Variants in CTNNA2 observed in about 807,000 individuals in gnomAD.
The protein encoded by CTNNA2 is catenin alpha-2.
A neutral mutation model predicts 101.0 loss-of-function variants in CTNNA2; 42 were observed. That is an observed-to-expected ratio of 0.42 (90% CI 0.32 to 0.54). The LOEUF (loss-of-function observed/expected upper bound fraction) is 0.54. CTNNA2 is among the 20% of genes least tolerant of loss of function. The pLI is 0.14. For missense variants in CTNNA2, 871 were observed against 1,223.1 expected, an observed-to-expected ratio of 0.71 and a Z score of 4.29; for synonymous variants, 450 against 456.4, an observed-to-expected ratio of 0.99 and a Z score of 0.18.
At chr2:79,607,372 A>T (rs1677963345) in intron 1 of CTNNA2, among the ~76,000 whole-genome samples, 1 of 152,162 alleles carries the variant, frequency 6.6e-6, no homozygotes, top group Non-Finnish European at 1.5e-5. Context: ...GGGGACATAG[A>T]AGACTTGAAC....
intron 3 of CTNNA2, among the ~76,000 whole-genome samples, chr2:79,343,601 C>T (rs1351743714): frequency 1.3e-5 from 2 of 152,078 alleles, no homozygotes; most frequent in Non-Finnish European, 2.9e-5. Flanking sequence ...TTCTTCCTGG[C>T]CAAGGTGGCA....
chr2:80,333,238 C>A (rs921670737), intron 7 of CTNNA2, among the ~76,000 whole-genome samples: 3 of 152,154 alleles, frequency 2.0e-5, no homozygotes, highest in African/African-American at 7.2e-5. Context: ...GTCTAACCCT[C>A]CTTCATCTAG....
At chr2:79,458,582 G>A (rs189061461) in intron 4 of CTNNA2, among the ~76,000 whole-genome samples, 3 of 152,202 alleles carry the variant, frequency 2.0e-5, no homozygotes, top group Admixed American at 6.5e-5. Context: ...ACCCTAGCAC[G>A]AGCCCATCAA....
intron 7 of CTNNA2, among the ~76,000 whole-genome samples, chr2:80,053,029 G>A (rs778740957): frequency 6.6e-6 from 1 of 152,090 alleles, no homozygotes; most frequent in Admixed American, 6.6e-5. Context: ...TGATGCATGA[G>A]TAGTATTTTA....
chr2:80,312,363 G>A (rs967731932), intron 7 of CTNNA2, among the ~76,000 whole-genome samples: 1 of 152,214 alleles, frequency 6.6e-6, no homozygotes, highest in Non-Finnish European at 1.5e-5. Context: ...GGGGTGAGTA[G>A]TTGGTGGGGA....
intron 4 of CTNNA2, among the ~76,000 whole-genome samples, chr2:79,451,288 A>G (rs972430507): frequency 6.6e-6 from 1 of 152,154 alleles, no homozygotes; most frequent in Non-Finnish European, 1.5e-5. Flanking sequence ...AAAATCTTAC[A>G]GATCTGCAGA....
intron 3 of CTNNA2, among the ~76,000 whole-genome samples, chr2:79,336,537 T>A (rs1676998394): frequency 6.6e-6 from 1 of 152,186 alleles, no homozygotes; most frequent in Admixed American, 6.5e-5. Flanking sequence ...GCCAGACCAC[T>A]CATATGAGTC....
At chr2:79,901,872 G>A (rs1685089906) in intron 6 of CTNNA2, among the ~76,000 whole-genome samples, 1 of 152,160 alleles carries the variant, frequency 6.6e-6, no homozygotes, top group African/African-American at 2.4e-5. Context: ...GTCTTGTCAG[G>A]TATGCCCATC....
chr2:80,008,966 A>C (rs1228439387), intron 7 of CTNNA2, among the ~76,000 whole-genome samples: 1 of 152,202 alleles, frequency 6.6e-6, no homozygotes, highest in East Asian at 1.9e-4. Context: ...TTTCCGAGAC[A>C]CTGAAATGCC....
chr2:80,157,565 A>G (rs915584093), intron 7 of CTNNA2, among the ~76,000 whole-genome samples: 3 of 152,186 alleles, frequency 2.0e-5, no homozygotes. Flanking sequence ...AAACCGTATC[A>G]AGTGGAACTT....
chr2:79,230,363 C>T (rs2104237247), intron 2 of CTNNA2, among the ~76,000 whole-genome samples: 1 of 152,308 alleles, frequency 6.6e-6, no homozygotes, highest in African/African-American at 2.4e-5. Flanking sequence ...CAAGGTACAG[C>T]TTGGGCCGTG....
At chr2:80,509,541 C>G (rs1435967553) in intron 9 of CTNNA2, among the ~76,000 whole-genome samples, 3 of 152,134 alleles carry the variant, frequency 2.0e-5, no homozygotes, top group Admixed American at 6.5e-5. Flanking sequence ...ACTTGGATGT[C>G]TTCTGTCTAA....
intron 1 of CTNNA2, among the ~76,000 whole-genome samples, chr2:79,632,028 T>G (rs929304651): frequency 2.0e-5 from 3 of 152,218 alleles, no homozygotes; most frequent in African/African-American, 7.2e-5. Context: ...ACTGTGTGTT[T>G]AAGGGTATAT....
intron 8 of CTNNA2, among the ~76,000 whole-genome samples, chr2:80,395,022 G>T (rs1677876151): frequency 6.6e-6 from 1 of 152,010 alleles, no homozygotes; most frequent in Admixed American, 6.6e-5. Context: ...TTCAATCATG[G>T]ACCAATCATG....
intron 9 of CTNNA2, among the ~76,000 whole-genome samples, chr2:80,492,725 T>A (rs1173051199): frequency 6.6e-6 from 1 of 152,226 alleles, no homozygotes; most frequent in Non-Finnish European, 1.5e-5. Flanking sequence ...ACTCTTGCCC[T>A]TCTGTGACTG....
At chr2:80,192,316 C>CTT (rs1558889501) in intron 7 of CTNNA2, among the ~76,000 whole-genome samples, 1 of 152,154 alleles carries the variant, frequency 6.6e-6, no homozygotes, top group Non-Finnish European at 1.5e-5. Flanking sequence ...GTTGTTTTCA[C>CTT]TCTATCGCAA....
intron 7 of CTNNA2, among the ~76,000 whole-genome samples, chr2:80,361,005 A>G (rs1476165697): frequency 6.6e-6 from 1 of 151,964 alleles, no homozygotes; most frequent in African/African-American, 2.4e-5. Context: ...TACCCTGGGA[A>G]TGGATGGTAT....
At chr2:80,007,507 G>A (rs950640093) in intron 7 of CTNNA2, among the ~76,000 whole-genome samples, 4 of 152,142 alleles carry the variant, frequency 2.6e-5, no homozygotes, top group Non-Finnish European at 5.9e-5. Context: ...AACATGCCAT[G>A]TAGACATGTG....
chr2:79,862,465 C>G (rs952012922), intron 4 of CTNNA2, among the ~76,000 whole-genome samples: 1 of 152,144 alleles, frequency 6.6e-6, no homozygotes, highest in East Asian at 1.9e-4. Context: ...TAATGTGGCT[C>G]TTGTGTTTGA....
Sources: allele counts gnomAD v4.1 joint callset (sites outside exome capture counted in the v4.1 genomes callset), GRCh38; gene constraint gnomAD v4.1.1; transcripts MANE v1.5; gene names NCBI Gene and HGNC (gene_info 2026-07-23, HGNC 2026-07-21).